The following EPN1 variants were observed in gnomAD, a reference collection of about 807,000 sequenced individuals.
EPN1 encodes the protein epsin-1.
In EPN1, 25 loss-of-function variants were observed where a neutral mutation model predicts 56.9. The ratio of observed to expected loss-of-function variants is 0.44; its 90% confidence interval spans 0.32 to 0.61. The LOEUF (loss-of-function observed/expected upper bound fraction) is 0.61. Among genes scored for constraint, EPN1 ranks in the 20% least tolerant of loss-of-function variants. EPN1 has a pLI of 0.05. For missense variants in EPN1, 785 were observed against 823.7 expected (o/e 0.95, Z 0.58); for synonymous variants, 411 against 361.8 (o/e 1.14, Z -1.54).
intron 2 of EPN1, among the ~76,000 whole-genome samples, chr19:55,682,972 G>T (rs182789601): frequency 1.1e-3 from 167 of 152,108 alleles, no homozygotes; most frequent in Non-Finnish European, 1.8e-3. Flanking sequence ...GGCCAGGCTG[G>T]TCTCGAACTT....
At position 55,696,451 on chromosome 19, in the gene EPN1, TC is replaced by T. The variant is rs1487669742; in HGVS notation, c.*1097del. The T allele has an allele frequency of 6.6e-6, 1 of 152,338 alleles. No individual in the cohort carries two copies. The highest frequency in any genetic ancestry group is 1.5e-5 in the Non-Finnish European group (1 of 68,122). The allele number at this position is 152,338 out of a possible 1,614,324, so 9.4% of individuals were successfully genotyped here. ...TGTTTTAAGCCGAACAGGCTGTTCTTCCATGTGGAGTCTCCCTCCGTGATCC... is the reference window on the plus strand; with the variant it reads ...TGTTTTAAGCCGAACAGGCTGTTCTTCATGTGGAGTCTCCCTCCGTGATCC... On this transcript the variant is annotated 3_prime_UTR_variant, in exon 11 of 11. Coordinates refer to ENST00000270460, the MANE Select transcript of EPN1 (RefSeq NM_001130072.2).
chr19:55,682,193 C>G (rs143506551), intron 2 of EPN1, among the ~76,000 whole-genome samples: 2 of 152,172 alleles, frequency 1.3e-5, no homozygotes, highest in Admixed American at 6.5e-5. Context: ...ACAGCTGTTA[C>G]GCATGTGGAC....
Position 55,688,088 on chromosome 19 carries a change from C to T in EPN1, c.479-782C>T, listed in dbSNP as rs1405426751. ...AGGGCGGGGCAGGAGAGGCAGGGTCCGCCCTGGGGCTTTGGAGGCTGGGGC... is the reference window on the plus strand; with the variant it reads ...AGGGCGGGGCAGGAGAGGCAGGGTCTGCCCTGGGGCTTTGGAGGCTGGGGC... On this transcript the variant is annotated intron_variant, in intron 3 of 10. Coordinates refer to ENST00000270460, the MANE Select transcript of EPN1 (RefSeq NM_001130072.2). Among the ~76,000 whole-genome samples the T allele has an allele frequency of 5.9e-5, 9 of 152,134 alleles. 1 individual carries two copies. The highest frequency in any genetic ancestry group is 8.8e-5 in the Non-Finnish European group (6 of 68,002).
In EPN1 at chr19:55,700,818, A is replaced by C. The variant is rs1490650487; in HGVS notation, c.*5462A>C. On this transcript the variant is annotated 3_prime_UTR_variant, in exon 11 of 11. Transcript: ENST00000270460. Reference sequence around the variant, plus strand: ...ATGGGGGTAACCCCTACAGCAGTTAACCCTGCGTGCTCAGAGGGGAATGAA... The same window carrying C: ...ATGGGGGTAACCCCTACAGCAGTTACCCCTGCGTGCTCAGAGGGGAATGAA... 1 of 152,284 alleles carries C rather than the reference A, an allele frequency of 6.6e-6. No individual in the cohort carries two copies. The highest frequency in any genetic ancestry group is 1.5e-5 in the Non-Finnish European group (1 of 68,080). The allele number at this position is 152,284 out of a possible 1,614,324, so 9.4% of individuals were successfully genotyped here.
chr19:55,683,808 A>G (rs929433768), intron 2 of EPN1, among the ~76,000 whole-genome samples: 1 of 152,234 alleles, frequency 6.6e-6, no homozygotes, highest in Non-Finnish European at 1.5e-5. Flanking sequence ...TGGAAACGAA[A>G]GTGTTTCATG....
rs749431021 is a variant in EPN1 at position 55,688,925 on chromosome 19, G to T, written c.534G>T (p.Pro178=). The T allele has an allele frequency of 3.5e-5, 56 of 1,591,566 alleles. No individual in the cohort carries two copies. The highest frequency in any genetic ancestry group is 4.5e-5 in the Non-Finnish European group (53 of 1,170,674). Residue 178 remains proline (P), a synonymous_variant, in exon 4 of 11, where the codon CCG becomes CCT. Transcript: ENST00000270460. ...GPPPEAEQAW[P]QSSGEEELQL... The stretch of plus-strand genomic sequence containing the variant: ...CTCCCGAGGCGGAGCAGGCGTGGCC[G>T]CAGAGCAGCGGGGAGGAGGAGCTGC...
rs766999139 is a variant in EPN1, at chr19:55,696,256, T to G, written c.*900T>G. The G allele has an allele frequency of 6.6e-6, 1 of 152,408 alleles. No individual in the cohort carries two copies. The highest frequency in any genetic ancestry group is 1.5e-5 in the Non-Finnish European group (1 of 68,192). 9.4% of individuals were successfully genotyped at this position (152,408 alleles called of 1,614,324 possible). The stretch of plus-strand genomic sequence containing the variant: ...CGCCTCCTGGTTGTCCTCTGTGTGC[T>G]GTTTTCCTCTGTGTGCTCTTGTCCT... On this transcript the variant is annotated 3_prime_UTR_variant, in exon 11 of 11. Transcript: ENST00000270460.
chr19:55,678,586 C>T lies in EPN1; in HGVS notation c.-42C>T, dbSNP rs540025424. 3.1e-5 allele frequency: 49 copies of T among 1,572,412 alleles called. No homozygotes were observed. The highest frequency in any genetic ancestry group is 2.2e-4 in the Admixed American group (12 of 53,392). On this transcript the variant is annotated 5_prime_UTR_variant, in exon 2 of 11. In the 5' UTR this introduces an upstream ATG that the reference lacks. Coordinates refer to ENST00000270460, the MANE Select transcript of EPN1 (RefSeq NM_001130072.2). ...GTCCGGGAGTCGCCCCATCTCTCCA[C>T]GCATCGGGGCCCTGTGCCCCTTGCT... is the stretch of plus-strand genomic sequence containing the variant.
Position 55,689,168 on chromosome 19 carries a change from C to A in EPN1, c.604-129C>A. On this transcript the variant is annotated intron_variant, in intron 4 of 10. Coordinates refer to ENST00000270460, the MANE Select transcript of EPN1 (RefSeq NM_001130072.2). This position sits in a 1 kb window ranked among gnomAD's most constrained non-coding sequence, Gnocchi z 5.7. ...CCCCGCCGTCCCTCTGCGTGTCACT[C>A]TCTGCCTGTCCCTCACTGGTTCAGG... 1 of 1,133,392 alleles carries A rather than the reference C, an allele frequency of 8.8e-7. No individual in the cohort carries two copies. Among genetic ancestry groups the A allele is most frequent in the Non-Finnish European group, 1.3e-6 (1 of 796,140 alleles). 70.2% of individuals were successfully genotyped at this position (1,133,392 alleles called of 1,614,324 possible).
rs927593800 is a variant in EPN1, at chr19:55,703,422, T to G, written c.*8066T>G. On this transcript the variant is annotated 3_prime_UTR_variant, in exon 11 of 11. Transcript: ENST00000270460. ...CACTGCAACCTCTGCCTCCCGGGTT[T>G]AAGCGATTCTCCTGCTTCAGCCTCT... 6 of 152,108 alleles carry G rather than the reference T, an allele frequency of 3.9e-5. No individual in the cohort carries two copies. The highest frequency in any genetic ancestry group is 1.4e-4 in the African/African-American group (6 of 41,398). 9.4% of individuals were successfully genotyped at this position (152,108 alleles called of 1,614,324 possible).
chr19:55,685,171 G>A (rs368776220), intron 2 of EPN1, among the ~76,000 whole-genome samples: 1 of 152,256 alleles, frequency 6.6e-6, no homozygotes, highest in African/African-American at 2.4e-5. Flanking sequence ...GTCTGTCGCT[G>A]AGCGCAGTAC....
Position 55,705,905 on chromosome 19 carries a change from G to A in EPN1, c.*10549G>A, listed in dbSNP as rs904414373. The A allele has an allele frequency of 6.6e-6, 1 of 152,048 alleles. No individual in the cohort carries two copies. Among genetic ancestry groups the A allele is most frequent in the African/African-American group, 2.4e-5 (1 of 40,952 alleles). The allele number at this position is 152,048 out of a possible 1,614,324, so 9.4% of individuals were successfully genotyped here. A position where few individuals can be genotyped will look rare whatever the true frequency, so the allele number is the denominator to read the frequency against. On this transcript the variant is annotated 3_prime_UTR_variant, in exon 11 of 11. Coordinates refer to ENST00000270460, the MANE Select transcript of EPN1 (RefSeq NM_001130072.2). ...TCACTAAAGCTGCATTGCAGTGTGT[G>A]ATCATAGCTCACCATGGGATTCTTG... is the stretch of plus-strand genomic sequence containing the variant.
Position 55,689,092 on chromosome 19 carries a change from G to A in EPN1, c.603+98G>A, listed in dbSNP as rs550452331. ...AGGCGTGGGCCTGGCCCTCACTGTC[G>A]CTGCTCCACATGCTGTCACTCGTCT... On this transcript the variant is annotated intron_variant, in intron 4 of 10. Transcript: ENST00000270460. This position sits in a 1 kb window ranked among gnomAD's most constrained non-coding sequence, Gnocchi z 5.7. 56 of 1,436,762 alleles carry A rather than the reference G, an allele frequency of 3.9e-5. 1 individual carries two copies. In the African/African-American group the frequency reaches 4.7e-4, roughly 12 times the overall value. 89.0% of individuals were successfully genotyped at this position (1,436,762 alleles called of 1,614,324 possible).
chr19:55,685,759 C>G, intron 3 of EPN1, 114 bp downstream of exon 3: 1 of 1,367,320 alleles, frequency 7.3e-7, no homozygotes, highest in Non-Finnish European at 9.9e-7. Context: ...CCGCGGCATC[C>G]CCCTTTGCTT....
chr19:55,677,233 G>T lies in EPN1; in HGVS notation c.-101-1294G>T, dbSNP rs755090562. 5.1e-6 allele frequency: 7 copies of T among 1,385,080 alleles called. No individual in the cohort carries two copies. The African/African-American group carries it at 1.0e-4, about 20-fold the overall frequency. The allele number at this position is 1,385,080 out of a possible 1,614,324, so 85.8% of individuals were successfully genotyped here. On this transcript the variant is annotated intron_variant, in intron 1 of 10. Coordinates refer to ENST00000270460, the MANE Select transcript of EPN1 (RefSeq NM_001130072.2). ...CCAGGAGTAAGGTGTGTGTCCCTGG[G>T]CAAGGGGCTGAACCTCTGTGTCTCA...
intron 3 of EPN1, among the ~76,000 whole-genome samples, chr19:55,686,524 C>T (rs994311312): frequency 5.3e-5 from 8 of 152,104 alleles, no homozygotes; most frequent in South Asian, 2.1e-4. Context: ...TCGTGGGGTC[C>T]GGCTCGAGGG....
chr19:55,691,846 C>T lies in EPN1; in HGVS notation c.855C>T (p.Ala285=), dbSNP rs552882847. 1.2e-5 allele frequency: 19 copies of T among 1,606,276 alleles called. 1 individual carries two copies. The highest frequency in any genetic ancestry group is 8.9e-5 in the East Asian group (4 of 44,732). ...PWGGPAPMAA[A]VPTAAPTSDP... is the part of the protein sequence containing the mutation. ...GGGGCCCAGCACCCATGGCTGCTGC[C>T]GTCCCCACGGCTGCCCCCACCTCGG... is the stretch of plus-strand genomic sequence containing the variant. The change falls in exon 7 of 11, where the codon GCC becomes GCT. Residue 285 remains alanine (A), a synonymous_variant. Transcript: ENST00000270460. The surrounding 1 kb of genome is among the most constrained non-coding windows in gnomAD (Gnocchi z 5.6).
rs375472414 is a variant in EPN1, at chr19:55,685,557, G to T, written c.390G>T (p.Leu130=). 2 of 1,611,454 alleles carry T rather than the reference G, an allele frequency of 1.2e-6. No individual in the cohort carries two copies. The highest frequency in any genetic ancestry group is 8.5e-7 in the Non-Finnish European group (1 of 1,178,916). The change falls in exon 3 of 11, where the codon CTG becomes CTT. Residue 130 remains leucine (L), a synonymous_variant. Transcript: ENST00000270460. ...GVNVREKAKQ[L]VALLRDEDRL... is the part of the protein sequence containing the mutation. ...ACGTGCGTGAGAAAGCTAAGCAGCT[G>T]GTGGCCCTGCTGCGCGACGAGGACC...
At position 55,701,610 on chromosome 19, in the gene EPN1, C is replaced by CTGTT. The variant is rs34579257; in HGVS notation, c.*6255_*6258dup. The CTGTT allele has an allele frequency of 6.6e-6, 1 of 152,118 alleles. No individual in the cohort carries two copies. The highest frequency in any genetic ancestry group is 2.4e-5 in the African/African-American group (1 of 41,404). The allele number at this position is 152,118 out of a possible 1,614,324, so 9.4% of individuals were successfully genotyped here. ...AGCTGACATTAATGAGAACTTCTCC[C>CTGTT]TGTTAGACCCTTAAAATACTGAGCT... On this transcript the variant is annotated 3_prime_UTR_variant, in exon 11 of 11. Transcript: ENST00000270460.
Sources: gnomAD v4.1 joint callset for allele counts (sites outside exome capture counted in the v4.1 genomes callset) on GRCh38, gnomAD v4.1.1 for gene constraint, Gnocchi (gnomAD v3.1) non-coding constraint, MANE v1.5 for transcripts, NCBI Gene and HGNC (gene_info 2026-07-23, HGNC 2026-07-21) for gene names.